FOXN3: variants seen among roughly 807,000 people sequenced by gnomAD.
FOXN3 encodes forkhead box protein N3.
In FOXN3, 7 loss-of-function variants were observed where a neutral mutation model predicts 38.4. The observed-to-expected ratio is 0.18, with a 90% CI of 0.10 to 0.34. The LOEUF is 0.34. Ranked by LOEUF, FOXN3 falls within the 10% of genes least tolerant of loss-of-function variation. The probability of loss-of-function intolerance (pLI) is 1.00; values close to 1 mark genes in which losing one functional copy is unlikely to be tolerated. For synonymous variants in FOXN3, 230 were observed against 242.2 expected (o/e 0.95, Z 0.47); for missense variants, 456 against 613.4 (o/e 0.74, Z 2.71).
chr14:89,211,373 G>A (rs1431670648), intron 4 of FOXN3, among the ~76,000 whole-genome samples: 1 of 152,206 alleles, frequency 6.6e-6, no homozygotes, highest in Non-Finnish European at 1.5e-5. Flanking sequence ...TTCTCTCTCT[G>A]GATGTGGACA....
chr14:89,193,337 T>C (rs916175756), intron 4 of FOXN3, among the ~76,000 whole-genome samples: 7 of 150,486 alleles, frequency 4.7e-5, no homozygotes, highest in African/African-American at 1.7e-4. Flanking sequence ...CCAAAACACA[T>C]TAAAGGAAAT....
chr14:89,550,486 C>T (rs1894980918), intron 1 of FOXN3, among the ~76,000 whole-genome samples: 1 of 152,084 alleles, frequency 6.6e-6, no homozygotes, highest in Admixed American at 6.6e-5. Flanking sequence ...GTCTGCTGGG[C>T]CAAATTGTCT....
In FOXN3 at chr14:89,286,895, C is replaced by T. The variant is rs578037380; in HGVS notation, c.681-5881G>A. Among the ~76,000 whole-genome samples the T allele has an allele frequency of 4.2e-3, 645 of 152,280 alleles. 6 individuals carry two copies. Among genetic ancestry groups the T allele is most frequent in the Non-Finnish European group, 3.4e-3 (230 of 68,012 alleles). On this transcript the variant is annotated intron_variant, in intron 3 of 5. Coordinates refer to ENST00000557258, the MANE Select transcript of FOXN3 (RefSeq NM_005197.4). ...TCTCGGGGACACTCTTGACACTTTT[C>T]TAACCTTCCAAAGAAGCTTGAGTGT...
At chr14:89,500,837 G>C in intron 1 of FOXN3, among the ~76,000 whole-genome samples, 1 of 152,220 alleles carries the variant, frequency 6.6e-6, no homozygotes, top group East Asian at 1.9e-4. Context: ...TGACCAGGAA[G>C]GCCTCACTCT....
At chr14:89,337,817 A>G (rs1453514104) in intron 3 of FOXN3, among the ~76,000 whole-genome samples, 1 of 151,968 alleles carries the variant, frequency 6.6e-6, no homozygotes, top group Non-Finnish European at 1.5e-5. Context: ...TTTAGTAGGG[A>G]TGGGGTTTCA....
At chr14:89,226,451 T>C (rs1235554151) in intron 4 of FOXN3, among the ~76,000 whole-genome samples, 1 of 152,130 alleles carries the variant, frequency 6.6e-6, no homozygotes, top group Non-Finnish European at 1.5e-5. Context: ...AAGTTTTAAA[T>C]TTTTTGTAGA....
chr14:89,310,074 G>A (rs947774946), intron 3 of FOXN3, among the ~76,000 whole-genome samples: 1 of 152,176 alleles, frequency 6.6e-6, no homozygotes, highest in Non-Finnish European at 1.5e-5. Flanking sequence ...CTCCAGCAAC[G>A]GCTCTCTAAA....
In FOXN3 at chr14:89,274,002, T is replaced by C. The variant is rs149463077; in HGVS notation, c.745+6948A>G. Among the ~76,000 whole-genome samples the C allele has an allele frequency of 1.8e-3, 280 of 152,300 alleles. 2 individuals are homozygous for C. Among genetic ancestry groups the C allele is most frequent in the African/African-American group, 6.2e-3 (257 of 41,556 alleles). On this transcript the variant is annotated intron_variant, in intron 4 of 5. Coordinates refer to ENST00000557258, the MANE Select transcript of FOXN3 (RefSeq NM_005197.4). ...GCCTGAGGGTGAGAATCAGGAGATT[T>C]ATGCATTAGGTGGATGCCCTCCTTT... is the stretch of plus-strand genomic sequence containing the variant.
At chr14:89,306,420 T>G (rs913866795) in intron 3 of FOXN3, among the ~76,000 whole-genome samples, 2 of 151,626 alleles carry the variant, frequency 1.3e-5, no homozygotes, top group Non-Finnish European at 2.9e-5. Context: ...CAGGCTGGAG[T>G]ACAGTGGCAC....
chr14:89,402,512 C>A (rs1163569179), intron 2 of FOXN3, among the ~76,000 whole-genome samples: 1 of 152,174 alleles, frequency 6.6e-6, no homozygotes, highest in Non-Finnish European at 1.5e-5. Context: ...CTTGGGGTTC[C>A]AATGGATCAG....
chr14:89,385,308 G>A (rs766409246), intron 2 of FOXN3, among the ~76,000 whole-genome samples: 43 of 151,992 alleles, frequency 2.8e-4, no homozygotes, highest in Non-Finnish European at 8.8e-5. Flanking sequence ...GAGAGGGTCC[G>A]GGAGGTCTAA....
intron 1 of FOXN3, among the ~76,000 whole-genome samples, chr14:89,496,966 T>G (rs1219095769): frequency 6.6e-6 from 1 of 152,226 alleles, no homozygotes; most frequent in Non-Finnish European, 1.5e-5. Context: ...TCTTCTTTCT[T>G]TTTTTTGAGA....
intron 2 of FOXN3, among the ~76,000 whole-genome samples, chr14:89,407,094 G>A (rs1186505945): frequency 6.6e-6 from 1 of 152,186 alleles, no homozygotes; most frequent in Non-Finnish European, 1.5e-5. Context: ...CCCAAGAGGG[G>A]GATGACCAGG....
At position 89,160,910 on chromosome 14, in the gene FOXN3, A is replaced by C. The variant is rs1160745165; in HGVS notation, c.*1504T>G. 6.6e-6 allele frequency: 1 copy of C among 152,492 alleles called. No homozygotes were observed. The highest frequency in any genetic ancestry group is 6.5e-5 in the Admixed American group (1 of 15,296). 9.4% of individuals were successfully genotyped at this position (152,492 alleles called of 1,614,324 possible). ...AAAAAAACAAAAACAAAAAACAAAA[A>C]CAAAAACAAAAAGGAAAAAAAGAAA... On this transcript the variant is annotated 3_prime_UTR_variant, in exon 6 of 6. Coordinates refer to ENST00000557258, the MANE Select transcript of FOXN3 (RefSeq NM_005197.4).
chr14:89,203,960 T>G (rs1273555610), intron 4 of FOXN3, among the ~76,000 whole-genome samples: 1 of 151,846 alleles, frequency 6.6e-6, no homozygotes, highest in Non-Finnish European at 1.5e-5. Context: ...ACAAGCATAA[T>G]GTACTACTAA....
intron 1 of FOXN3, among the ~76,000 whole-genome samples, chr14:89,615,434 T>C (rs1346146970): frequency 1.3e-5 from 2 of 152,200 alleles, no homozygotes; most frequent in Non-Finnish European, 2.9e-5. Flanking sequence ...TGTACCACGA[T>C]CAATTTTCCT....
chr14:89,235,646 G>C (rs550404123), intron 4 of FOXN3, among the ~76,000 whole-genome samples: 77 of 152,282 alleles, frequency 5.1e-4, no homozygotes, highest in Middle Eastern at 3.4e-3. Flanking sequence ...TTAAGATAGG[G>C]ACATTATCCT....
intron 3 of FOXN3, among the ~76,000 whole-genome samples, chr14:89,301,312 G>GA (rs55764743): frequency 0.43 from 63,222 of 145,734 alleles, 14,214 homozygotes; most frequent in Middle Eastern, 0.53. Context: ...CTCTACAAAA[G>GA]AAAAAAAAAA....
At chr14:89,593,243 G>C (rs931146787) in intron 1 of FOXN3, among the ~76,000 whole-genome samples, 2 of 150,358 alleles carry the variant, frequency 1.3e-5, no homozygotes. Flanking sequence ...AAAGGAGGGA[G>C]GGAGGGAAGG....
Sources: allele counts gnomAD v4.1 joint callset (sites outside exome capture counted in the v4.1 genomes callset), GRCh38; gene constraint gnomAD v4.1.1; transcripts MANE v1.5; gene names NCBI Gene and HGNC (gene_info 2026-07-23, HGNC 2026-07-21).